TMEM232: variants seen among roughly 807,000 people sequenced by gnomAD.
TMEM232 encodes the protein transmembrane protein 232.
A neutral mutation model predicts 78.8 loss-of-function variants in TMEM232; 80 were observed. That is an observed-to-expected ratio of 1.01 (90% CI 0.85 to 1.22). The LOEUF (loss-of-function observed/expected upper bound fraction) is 1.22. Among genes scored for constraint, TMEM232 ranks in the 50% most tolerant of loss-of-function variants. TMEM232 has a pLI of 0.00. For missense variants in TMEM232, 881 were observed against 742.2 expected, an observed-to-expected ratio of 1.19 and a Z score of -2.17; for synonymous variants, 297 against 254.3, an observed-to-expected ratio of 1.17 and a Z score of -1.60.
At chr5:110,389,812 C>G (rs1273802125) in intron 4 of TMEM232, among the ~76,000 whole-genome samples, 1 of 152,180 alleles carries the variant, frequency 6.6e-6, no homozygotes, top group Non-Finnish European at 1.5e-5. Context: ...CATTGGCTGT[C>G]ACTGCTCAGA....
At chr5:110,402,395 TA>T (rs1674294957) in intron 2 of TMEM232, among the ~76,000 whole-genome samples, 2 of 152,100 alleles carry the variant, frequency 1.3e-5, no homozygotes, top group Non-Finnish European at 2.9e-5. Flanking sequence ...AATAAATGTG[TA>T]TATTATTAGA....
intron 2 of TMEM232, among the ~76,000 whole-genome samples, chr5:110,651,877 G>T (rs772961047): frequency 4.6e-5 from 7 of 152,052 alleles, no homozygotes; most frequent in Non-Finnish European, 8.8e-5. Context: ...ATAAAAATCT[G>T]CCCTATAATG....
intron 12 of TMEM232, among the ~76,000 whole-genome samples, chr5:110,526,683 C>G (rs143180003): frequency 6.6e-6 from 1 of 151,852 alleles, no homozygotes; most frequent in Non-Finnish European, 1.5e-5. Flanking sequence ...TACTTTGACC[C>G]AGAAATTACA....
downstream of TMEM232, chr5:110,417,990 A>G (rs528825357): frequency 6.6e-6 from 1 of 152,288 alleles, no homozygotes; most frequent in East Asian, 1.9e-4. Context: ...AGTACCAGCA[A>G]TAACTGGGCA....
chr5:110,395,392 C>T (rs945107224), intron 3 of TMEM232, among the ~76,000 whole-genome samples: 3 of 152,036 alleles, frequency 2.0e-5, no homozygotes, highest in Non-Finnish European at 4.4e-5. Flanking sequence ...CTATATTCTC[C>T]TTTCAGCCCA....
At chr5:110,612,156 T>C in intron 8 of TMEM232, among the ~76,000 whole-genome samples, 1 of 152,176 alleles carries the variant, frequency 6.6e-6, no homozygotes, top group Non-Finnish European at 1.5e-5. Context: ...GAGGTTGCTG[T>C]TATCTCGATA....
At chr5:110,479,700 C>G (rs1349798946) in intron 12 of TMEM232, among the ~76,000 whole-genome samples, 1 of 151,570 alleles carries the variant, frequency 6.6e-6, no homozygotes, top group African/African-American at 2.4e-5. Context: ...CTAATTTTTA[C>G]TTAATAGTCT....
chr5:110,439,321 A>C (rs1758772161), intron 12 of TMEM232, among the ~76,000 whole-genome samples: 1 of 152,172 alleles, frequency 6.6e-6, no homozygotes, highest in Non-Finnish European at 1.5e-5. Context: ...CTCCCACATT[A>C]AAAATATATT....
Position 110,655,409 on chromosome 5 carries a change from G to A in TMEM232, c.125+11819C>T, listed in dbSNP as rs1443976705. ...ATCATTAAAAAGTCAGGAAACAACA[G>A]GTGCTGGAGAGGATGTGGAGAAATA... is the stretch of plus-strand genomic sequence containing the variant. On this transcript the variant is annotated intron_variant, in intron 2 of 13. Coordinates refer to ENST00000455884, the MANE Select transcript of TMEM232 (RefSeq NM_001039763.4). 9.5e-5 allele frequency among the ~76,000 whole-genome samples: 14 copies of A among 147,182 alleles called. 1 individual carries two copies. The highest frequency in any genetic ancestry group is 1.8e-4 in the Non-Finnish European group (12 of 66,936).
rs542968801 is a variant in TMEM232, at chr5:110,534,553, A to C, written c.1456-5718T>G. ...ACCAGACCAACTTAGACTGTGCCCCAAAAAAACTTGTCATCCCTACTATCT... is the reference window on the plus strand; with the variant it reads ...ACCAGACCAACTTAGACTGTGCCCCCAAAAAACTTGTCATCCCTACTATCT... On this transcript the variant is annotated intron_variant, in intron 11 of 13. Transcript: ENST00000455884. 5.3e-4 allele frequency among the ~76,000 whole-genome samples: 80 copies of C among 152,164 alleles called. No homozygotes were observed. In the East Asian group the frequency reaches 8.9e-3, roughly 17 times the overall value.
intron 12 of TMEM232, among the ~76,000 whole-genome samples, chr5:110,459,359 G>A (rs1329396101): frequency 6.6e-6 from 1 of 151,988 alleles, no homozygotes; most frequent in Non-Finnish European, 1.5e-5. Flanking sequence ...AAACTTCAAA[G>A]ACATATAGCA....
At chr5:110,619,249 A>T (rs1580381556) in intron 7 of TMEM232, among the ~76,000 whole-genome samples, 1 of 152,180 alleles carries the variant, frequency 6.6e-6, no homozygotes, top group East Asian at 1.9e-4. Flanking sequence ...TTTTTATGTT[A>T]AAATGAAACA....
At chr5:110,696,558 A>T (rs924219450) in intron 1 of TMEM232, among the ~76,000 whole-genome samples, 1 of 152,154 alleles carries the variant, frequency 6.6e-6, no homozygotes. Context: ...AAAACCCCAT[A>T]GTCTCAGCCC....
intron 12 of TMEM232, among the ~76,000 whole-genome samples, chr5:110,427,497 G>C (rs930013764): frequency 6.6e-6 from 1 of 151,602 alleles, no homozygotes; most frequent in Admixed American, 6.6e-5. Context: ...GAAGTTAAAT[G>C]AACAGTAGAG....
chr5:110,407,911 A>T (rs2112577925), intron 2 of TMEM232, among the ~76,000 whole-genome samples: 1 of 152,308 alleles, frequency 6.6e-6, no homozygotes, highest in Admixed American at 6.5e-5. Flanking sequence ...GTTTGGGGTG[A>T]TATGGCTATA....
chr5:110,620,611 C>A (rs914223225), intron 7 of TMEM232, among the ~76,000 whole-genome samples: 1,577 of 140,516 alleles, frequency 0.011, 82 homozygotes, highest in African/African-American at 0.042. Flanking sequence ...CTCTCTCTCT[C>A]TCTCTCTCTC....
intron 1 of TMEM232, among the ~76,000 whole-genome samples, chr5:110,687,688 C>A (rs1267157133): frequency 6.6e-6 from 1 of 152,040 alleles, no homozygotes; most frequent in African/African-American, 2.4e-5. Context: ...TTCTCTTTCT[C>A]TTTGTCTCTC....
At chr5:110,520,427 T>C (rs766853609) in intron 12 of TMEM232, among the ~76,000 whole-genome samples, 5 of 152,054 alleles carry the variant, frequency 3.3e-5, no homozygotes, top group Non-Finnish European at 5.9e-5. Context: ...ATAACAATGA[T>C]AGCAAAACGT....
At chr5:110,466,801 G>C (rs1762123909) in intron 12 of TMEM232, among the ~76,000 whole-genome samples, 1 of 151,754 alleles carries the variant, frequency 6.6e-6, no homozygotes, top group African/African-American at 2.4e-5. Context: ...ATTTTTAGTA[G>C]AGACGGGGTT....
Sources: allele counts gnomAD v4.1 joint callset (sites outside exome capture counted in the v4.1 genomes callset), GRCh38; gene constraint gnomAD v4.1.1; transcripts MANE v1.5; gene names NCBI Gene and HGNC (gene_info 2026-07-23, HGNC 2026-07-21).